The following FAM13C variants were observed in gnomAD, a reference collection of about 807,000 sequenced individuals.
FAM13C encodes protein FAM13C.
In FAM13C, 37 loss-of-function variants were observed where a neutral mutation model predicts 73.2. The observed-to-expected ratio is 0.51, with a 90% confidence interval of 0.39 to 0.67. FAM13C has a LOEUF of 0.67. FAM13C is among the 30% of genes least tolerant of loss of function. FAM13C has a pLI of 0.00. For synonymous variants in FAM13C, 246 were observed against 260.9 expected, an observed-to-expected ratio of 0.94 and a Z score of 0.55; for missense variants, 589 against 715.6, an observed-to-expected ratio of 0.82 and a Z score of 2.02.
intron 5 of FAM13C, among the ~76,000 whole-genome samples, chr10:59,292,277 C>T (rs1564535622): frequency 6.6e-6 from 1 of 152,200 alleles, no homozygotes; most frequent in Non-Finnish European, 1.5e-5. Flanking sequence ...AGTCATTTTT[C>T]CCAGAACATT....
At chr10:59,335,346 C>T (rs1053251634) in intron 3 of FAM13C, among the ~76,000 whole-genome samples, 4 of 152,248 alleles carry the variant, frequency 2.6e-5, no homozygotes, top group East Asian at 3.9e-4. Flanking sequence ...TAAGGACCTA[C>T]GAGACCCAAA....
At chr10:59,317,883 A>G (rs538554913) in intron 4 of FAM13C, among the ~76,000 whole-genome samples, 143 of 151,922 alleles carry the variant, frequency 9.4e-4, no homozygotes, top group South Asian at 1.9e-3. Flanking sequence ...TCCTAATGCT[A>G]TCCCTCCCCC....
intron 4 of FAM13C, among the ~76,000 whole-genome samples, chr10:59,322,339 A>G (rs1026910246): frequency 2.0e-5 from 3 of 152,216 alleles, no homozygotes; most frequent in African/African-American, 7.2e-5. Flanking sequence ...GTGACTTATC[A>G]CCAGATCCTG....
intron 3 of FAM13C, among the ~76,000 whole-genome samples, chr10:59,346,959 T>G (rs1339353671): frequency 6.6e-6 from 1 of 152,098 alleles, no homozygotes; most frequent in Non-Finnish European, 1.5e-5. Context: ...ACTCAACATC[T>G]CCTAACTTCA....
intron 4 of FAM13C, among the ~76,000 whole-genome samples, chr10:59,310,434 G>A (rs1484702041): frequency 6.6e-6 from 1 of 152,030 alleles, no homozygotes; most frequent in African/African-American, 2.4e-5. Flanking sequence ...AACAATAACA[G>A]CCCTTAATAC....
At chr10:59,293,662 C>A (rs1846552548) in intron 5 of FAM13C, among the ~76,000 whole-genome samples, 1 of 152,002 alleles carries the variant, frequency 6.6e-6, no homozygotes, top group South Asian at 2.1e-4. Context: ...GTTTTATAAC[C>A]TTCAGAAGGC....
chr10:59,330,311 T>C (rs1489782669), intron 3 of FAM13C, among the ~76,000 whole-genome samples: 2 of 152,204 alleles, frequency 1.3e-5, no homozygotes, highest in African/African-American at 2.4e-5. Flanking sequence ...CTTTCCATTA[T>C]ATATTCTAAC....
At chr10:59,259,578 AC>A (rs1433499328) in intron 10 of FAM13C, among the ~76,000 whole-genome samples, 6 of 152,282 alleles carry the variant, frequency 3.9e-5, no homozygotes, top group Non-Finnish European at 7.4e-5. Context: ...CTTTCTCAAG[AC>A]CAATACTCAG....
chr10:59,246,852 T>C lies in FAM13C; in HGVS notation c.*762A>G. 1 of 380,414 alleles carries C rather than the reference T, an allele frequency of 2.6e-6. No homozygotes were observed. Among genetic ancestry groups the C allele is most frequent in the Non-Finnish European group, 4.7e-6 (1 of 214,840 alleles). 23.6% of individuals were successfully genotyped at this position (380,414 alleles called of 1,614,324 possible). On this transcript the variant is annotated 3_prime_UTR_variant, in exon 14 of 14. Coordinates refer to ENST00000618804, the MANE Select transcript of FAM13C (RefSeq NM_198215.4). ...ACTATGGACACATTAGATTATATAC[T>C]ACAGACACATATCTATCCAAAATAC...
intron 5 of FAM13C, among the ~76,000 whole-genome samples, chr10:59,293,015 A>T (rs987674011): frequency 7.5e-5 from 11 of 146,768 alleles, no homozygotes; most frequent in Admixed American, 5.5e-4. Context: ...CCTTCCCAGC[A>T]TCTAGTAACC....
chr10:59,309,952 T>A (rs959518926), intron 4 of FAM13C, among the ~76,000 whole-genome samples: 1 of 152,168 alleles, frequency 6.6e-6, no homozygotes, highest in Admixed American at 6.5e-5. Context: ...CTTCCACCTA[T>A]AGCATGCTAG....
chr10:59,343,109 T>C (rs1460602433), intron 3 of FAM13C, among the ~76,000 whole-genome samples: 1 of 152,216 alleles, frequency 6.6e-6, no homozygotes, highest in Non-Finnish European at 1.5e-5. Context: ...ACTCCAATCT[T>C]ATAGCGAGAG....
At chr10:59,274,512 T>C (rs1281453630) in intron 6 of FAM13C, among the ~76,000 whole-genome samples, 1 of 152,030 alleles carries the variant, frequency 6.6e-6, no homozygotes, top group Non-Finnish European at 1.5e-5. Flanking sequence ...TTTCTATAGA[T>C]GGCCACTAGA....
intron 4 of FAM13C, among the ~76,000 whole-genome samples, chr10:59,316,921 C>T (rs953172076): frequency 2.0e-5 from 3 of 151,964 alleles, no homozygotes; most frequent in South Asian, 4.1e-4. Flanking sequence ...ATGTAATATA[C>T]AGCAATGTAT....
intron 5 of FAM13C, among the ~76,000 whole-genome samples, chr10:59,284,433 C>CCA (rs1845309480): frequency 6.6e-6 from 1 of 151,900 alleles, no homozygotes; most frequent in Non-Finnish European, 1.5e-5. Flanking sequence ...GGGAGCAGAG[C>CCA]CACTGGTCCT....
chr10:59,270,447 G>C (rs545094667), intron 6 of FAM13C: 1 of 186,800 alleles, frequency 5.4e-6, no homozygotes, highest in African/African-American at 2.4e-5. Flanking sequence ...GCAATAAAAA[G>C]AAAACAATAA....
In FAM13C at chr10:59,254,340, T is replaced by C. The variant is rs746892273; in HGVS notation, c.1332+8A>G. The C allele has an allele frequency of 4.6e-6, 7 of 1,528,708 alleles. No homozygotes were observed. The highest frequency in any genetic ancestry group is 1.9e-5 in the Admixed American group (1 of 52,994). 94.7% of individuals were successfully genotyped at this position (1,528,708 alleles called of 1,614,324 possible). On this transcript the variant is annotated splice_region_variant and intron_variant, in intron 11 of 13. Transcript: ENST00000618804. ...ACAAAGTAACAGCATGCAAGTATCC[T>C]GACTTACAATTGTTGGAATAAGGGA... is the stretch of plus-strand genomic sequence containing the variant.
intron 5 of FAM13C, among the ~76,000 whole-genome samples, chr10:59,290,265 TCAC>T (rs1846067293): frequency 6.6e-6 from 1 of 152,184 alleles, no homozygotes; most frequent in South Asian, 2.1e-4. Flanking sequence ...TGTCTGCAAT[TCAC>T]CAGTCCCAGA....
chr10:59,314,322 A>G (rs1448907803), intron 4 of FAM13C, among the ~76,000 whole-genome samples: 1 of 152,210 alleles, frequency 6.6e-6, no homozygotes, highest in Non-Finnish European at 1.5e-5. Context: ...CCCTGAATGA[A>G]GCTGAACATG....
Sources: allele counts gnomAD v4.1 joint callset (sites outside exome capture counted in the v4.1 genomes callset), GRCh38; gene constraint gnomAD v4.1.1; transcripts MANE v1.5; gene names NCBI Gene and HGNC (gene_info 2026-07-23, HGNC 2026-07-21).